The following DDAH1 variants were observed in gnomAD, a reference collection of about 807,000 sequenced individuals.
The protein encoded by DDAH1 is N(G),N(G)-dimethylarginine dimethylaminohydrolase 1.
DDAH1 carries 19 observed loss-of-function variants against 28.8 expected under a neutral mutation model. The ratio of observed to expected loss-of-function variants is 0.66; its 90% confidence interval spans 0.46 to 0.97. The LOEUF is 0.97. Ranked by LOEUF, DDAH1 falls within the 50% of genes least tolerant of loss-of-function variation. The pLI is 0.00. For synonymous variants in DDAH1, 153 were observed against 154.4 expected (o/e 0.99, Z 0.07); for missense variants, 326 against 375.9 (o/e 0.87, Z 1.10).
chr1:85,488,618 A>T (rs1480617466), intron 2 of DDAH1, among the ~76,000 whole-genome samples: 1 of 152,208 alleles, frequency 6.6e-6, no homozygotes, highest in African/African-American at 2.4e-5. Flanking sequence ...ATAGACATAT[A>T]AAGAGCTTCC....
intron 1 of DDAH1, among the ~76,000 whole-genome samples, chr1:85,426,939 A>AT (rs1653430103): frequency 6.7e-6 from 1 of 148,476 alleles, no homozygotes. Context: ...AAAAAAAAAA[A>AT]GGAAAAAGAA....
At chr1:85,461,691 T>C (rs1367071184) in intron 1 of DDAH1, among the ~76,000 whole-genome samples, 1 of 152,224 alleles carries the variant, frequency 6.6e-6, no homozygotes, top group South Asian at 2.1e-4. Context: ...TACATGCCTA[T>C]TGTATACAAG....
At chr1:85,325,451 C>T (rs1242379597) in intron 4 of DDAH1, among the ~76,000 whole-genome samples, 1 of 152,080 alleles carries the variant, frequency 6.6e-6, no homozygotes, top group South Asian at 2.1e-4. Context: ...ATACAATGAG[C>T]ATAAAAGCCA....
chr1:85,453,293 G>A (rs1408345611), intron 1 of DDAH1, among the ~76,000 whole-genome samples: 1 of 152,118 alleles, frequency 6.6e-6, no homozygotes, highest in East Asian at 1.9e-4. Flanking sequence ...CCACTCAGAG[G>A]CTTCAGTTAT....
At chr1:85,426,932 A>AAAC (rs1557615877) in intron 1 of DDAH1, among the ~76,000 whole-genome samples, 1 of 151,346 alleles carries the variant, frequency 6.6e-6, no homozygotes, top group African/African-American at 2.4e-5. Flanking sequence ...AAAAAAAAAA[A>AAAC]AAAAAAAGGA....
intron 1 of DDAH1, among the ~76,000 whole-genome samples, chr1:85,552,506 G>A (rs577906429): frequency 6.6e-6 from 1 of 152,216 alleles, no homozygotes; most frequent in African/African-American, 2.4e-5. Context: ...GTCCAACGAA[G>A]TCTAGCATAA....
At chr1:85,490,354 A>T (rs1656348104) in intron 2 of DDAH1, among the ~76,000 whole-genome samples, 1 of 152,236 alleles carries the variant, frequency 6.6e-6, no homozygotes, top group Non-Finnish European at 1.5e-5. Flanking sequence ...TGGCATAAAA[A>T]GTCAAAACAC....
intron 1 of DDAH1, among the ~76,000 whole-genome samples, chr1:85,519,859 C>T (rs1255299018): frequency 1.3e-5 from 2 of 152,020 alleles, no homozygotes; most frequent in Non-Finnish European, 1.5e-5. Flanking sequence ...GAAATAAATG[C>T]ATCAATTTCA....
chr1:85,392,707 G>A (rs960089385), intron 1 of DDAH1, among the ~76,000 whole-genome samples: 28 of 150,672 alleles, frequency 1.9e-4, no homozygotes, highest in African/African-American at 6.1e-4. Flanking sequence ...GCAGGAGAAC[G>A]GCTTGAACCA....
At chr1:85,484,976 C>G (rs1246117834) in intron 2 of DDAH1, among the ~76,000 whole-genome samples, 1 of 152,194 alleles carries the variant, frequency 6.6e-6, no homozygotes, top group African/African-American at 2.4e-5. Flanking sequence ...ATACTAAACC[C>G]TTCTTAGTAA....
rs1343572352 is a variant in DDAH1 at position 85,465,086 on chromosome 1, G to A, written c.-41C>T. On this transcript the variant is annotated 5_prime_UTR_variant, in exon 1 of 6. Coordinates refer to ENST00000284031, the MANE Select transcript of DDAH1 (RefSeq NM_012137.4). ...AGGGGCGGCGGCGGCGGCGGAGGCG[G>A]CCGGGTCCTGCCGCGGGCAGCGCGC... is the stretch of plus-strand genomic sequence containing the variant. 8.3e-7 allele frequency: 1 copy of A among 1,206,270 alleles called. No individual in the cohort carries two copies. The highest frequency in any genetic ancestry group is 1.0e-6 in the Non-Finnish European group (1 of 972,738). 74.7% of individuals were successfully genotyped at this position (1,206,270 alleles called of 1,614,324 possible).
chr1:85,489,815 A>C (rs1277765208), intron 2 of DDAH1, among the ~76,000 whole-genome samples: 1 of 152,228 alleles, frequency 6.6e-6, no homozygotes. Flanking sequence ...ATAGTATTTT[A>C]GGAGACAGAA....
intron 1 of DDAH1, among the ~76,000 whole-genome samples, chr1:85,460,038 T>C (rs1446641560): frequency 6.6e-6 from 1 of 152,236 alleles, no homozygotes; most frequent in African/African-American, 2.4e-5. Context: ...CTTATTACTG[T>C]GTATGACTTT....
intron 1 of DDAH1, among the ~76,000 whole-genome samples, chr1:85,538,483 G>GTAAAA (rs1297042956): frequency 6.6e-5 from 10 of 152,120 alleles, no homozygotes; most frequent in African/African-American, 2.4e-4. Context: ...GGAACACCCG[G>GTAAAA]GGGCCTACCT....
chr1:85,457,733 A>T (rs1654952904), intron 1 of DDAH1, among the ~76,000 whole-genome samples: 1 of 152,262 alleles, frequency 6.6e-6, no homozygotes, highest in Admixed American at 6.5e-5. Context: ...CTTGTTGCCC[A>T]GGCCGGAGTG....
chr1:85,478,804 G>T (rs973743990), intron 2 of DDAH1, among the ~76,000 whole-genome samples: 11 of 152,180 alleles, frequency 7.2e-5, no homozygotes, highest in Non-Finnish European at 8.8e-5. Context: ...GGGTAAGTTG[G>T]AGATCAGGGA....
At chr1:85,440,239 T>C (rs1437141603) in intron 1 of DDAH1, among the ~76,000 whole-genome samples, 1 of 152,242 alleles carries the variant, frequency 6.6e-6, no homozygotes, top group Non-Finnish European at 1.5e-5. Flanking sequence ...TAATTTTTGT[T>C]ATACTTTTTC....
At chr1:85,539,236 T>C (rs1658395154) in intron 1 of DDAH1, among the ~76,000 whole-genome samples, 2 of 152,094 alleles carry the variant, frequency 1.3e-5, no homozygotes, top group African/African-American at 4.8e-5. Context: ...AACCTCCACC[T>C]CCAGGGTTCA....
chr1:85,333,779 A>G (rs891649861), intron 4 of DDAH1, among the ~76,000 whole-genome samples: 6 of 152,214 alleles, frequency 3.9e-5, no homozygotes, highest in East Asian at 1.9e-4. Flanking sequence ...AAGAAAGCCA[A>G]TGTGACCTAT....
Sources: allele counts gnomAD v4.1 joint callset (sites outside exome capture counted in the v4.1 genomes callset), GRCh38; gene constraint gnomAD v4.1.1; transcripts MANE v1.5; gene names NCBI Gene and HGNC (gene_info 2026-07-23, HGNC 2026-07-21).